The following EIF2B3 variants were observed in gnomAD, a reference collection of about 807,000 sequenced individuals.
EIF2B3 encodes translation initiation factor eIF2B subunit gamma.
EIF2B3 carries 20 observed loss-of-function variants against 54.1 expected under a neutral mutation model. The ratio of observed to expected loss-of-function variants is 0.37; its 90% CI spans 0.26 to 0.54. The LOEUF (loss-of-function observed/expected upper bound fraction) is 0.54. Ranked by LOEUF, EIF2B3 falls within the 20% of genes least tolerant of loss-of-function variation. The probability of loss-of-function intolerance (pLI) is 0.86; values close to 1 mark genes in which losing one functional copy is unlikely to be tolerated. For synonymous variants in EIF2B3, 153 were observed against 188.1 expected (o/e 0.81, Z 1.52); for missense variants, 448 against 547.8 (o/e 0.82, Z 1.82).
intron 11 of EIF2B3, among the ~76,000 whole-genome samples, chr1:44,853,386 G>C (rs1654338300): frequency 6.6e-6 from 1 of 152,098 alleles, no homozygotes; most frequent in Non-Finnish European, 1.5e-5. Context: ...AAGGTGGGTG[G>C]ATTGCCCCAG....
chr1:44,983,299 G>C lies in EIF2B3; in HGVS notation c.-9-2122C>G, dbSNP rs370804951. 3.2e-4 allele frequency among the ~76,000 whole-genome samples: 48 copies of C among 152,328 alleles called. 1 individual carries two copies. The highest frequency in any genetic ancestry group is 1.2e-3 in the African/African-American group (48 of 41,584). ...ATGTGTTAAAATGTAACGTTCAGAA[G>C]AAACAATCTATTCAACATCAAATTG... On this transcript the variant is annotated intron_variant, in intron 1 of 11. Coordinates refer to ENST00000360403, the MANE Select transcript of EIF2B3 (RefSeq NM_020365.5).
intron 4 of EIF2B3, among the ~76,000 whole-genome samples, chr1:44,933,465 TAA>T (rs1337727739): frequency 5.9e-5 from 9 of 151,844 alleles, no homozygotes; most frequent in Non-Finnish European, 8.8e-5. Flanking sequence ...ACACAGAAAA[TAA>T]AAGCACGTTA....
intron 4 of EIF2B3, among the ~76,000 whole-genome samples, chr1:44,928,697 A>G (rs12735637): frequency 0.22 from 33,666 of 151,986 alleles, 4,059 homozygotes; most frequent in Admixed American, 0.32. Context: ...ACAGGCTGCT[A>G]TATTATTGCT....
intron 5 of EIF2B3, among the ~76,000 whole-genome samples, chr1:44,910,084 A>C: frequency 6.6e-6 from 1 of 152,232 alleles, no homozygotes; most frequent in Non-Finnish European, 1.5e-5. Context: ...AAAGCTTGAC[A>C]ACTATTCAAA....
intron 10 of EIF2B3, among the ~76,000 whole-genome samples, chr1:44,871,549 G>A (rs760822286): frequency 2.0e-5 from 3 of 152,094 alleles, no homozygotes; most frequent in Non-Finnish European, 2.9e-5. Context: ...TTTATATTCT[G>A]GTCATGGTGA....
Position 44,850,915 on chromosome 1 carries a change from G to A in EIF2B3, c.*36C>T. 3.7e-6 allele frequency: 6 copies of A among 1,612,820 alleles called. No homozygotes were observed. Among genetic ancestry groups the A allele is most frequent in the Non-Finnish European group, 5.1e-6 (6 of 1,178,832 alleles). On this transcript the variant is annotated 3_prime_UTR_variant, in exon 12 of 12. Coordinates refer to ENST00000360403, the MANE Select transcript of EIF2B3 (RefSeq NM_020365.5). Reference sequence around the variant, plus strand: ...TGGGCCGGCCAACATCTGTGGCTTTGGAGGCCAAAAGGAAGGAGTCTGACT... The same window carrying A: ...TGGGCCGGCCAACATCTGTGGCTTTAGAGGCCAAAAGGAAGGAGTCTGACT...
At chr1:44,974,897 T>A (rs1485855156) in intron 3 of EIF2B3, among the ~76,000 whole-genome samples, 1 of 152,112 alleles carries the variant, frequency 6.6e-6, no homozygotes, top group African/African-American at 2.4e-5. Context: ...TACCTAGGAA[T>A]AAATTTATCA....
intron 3 of EIF2B3, among the ~76,000 whole-genome samples, chr1:44,976,479 G>A (rs114149880): frequency 1.4e-3 from 216 of 152,250 alleles, no homozygotes; most frequent in African/African-American, 4.9e-3. Context: ...TGAAGCAAAC[G>A]CAACTCTTAC....
intron 1 of EIF2B3, among the ~76,000 whole-genome samples, chr1:44,985,272 C>G (rs1644560364): frequency 1.3e-5 from 2 of 152,156 alleles, no homozygotes; most frequent in Admixed American, 6.5e-5. Context: ...CTAGTAATCA[C>G]CTATTAAACT....
intron 11 of EIF2B3, among the ~76,000 whole-genome samples, chr1:44,856,106 T>G (rs985134496): frequency 1.1e-4 from 17 of 152,144 alleles, no homozygotes; most frequent in African/African-American, 3.9e-4. Flanking sequence ...ACGGTATGTA[T>G]GAGGAATTCT....
intron 5 of EIF2B3, 116 bp from the exon 6 acceptor site, chr1:44,897,560 C>G: frequency 1.3e-6 from 1 of 789,526 alleles, no homozygotes. Context: ...CAGAGGCATG[C>G]TGCCTACATC....
intron 5 of EIF2B3, among the ~76,000 whole-genome samples, chr1:44,901,290 AT>A (rs752499946): frequency 4.8e-4 from 73 of 151,814 alleles, no homozygotes; most frequent in Non-Finnish European, 9.7e-4. Flanking sequence ...TAATTTTTGT[AT>A]TTTCAGTAGA....
chr1:44,939,474 C>T (rs903266637), intron 4 of EIF2B3, among the ~76,000 whole-genome samples: 3 of 152,124 alleles, frequency 2.0e-5, no homozygotes, highest in African/African-American at 7.2e-5. Context: ...ATATAGTTAA[C>T]AAGAGTATTG....
intron 4 of EIF2B3, among the ~76,000 whole-genome samples, chr1:44,938,547 T>C (rs1252475937): frequency 6.6e-6 from 1 of 151,712 alleles, no homozygotes; most frequent in African/African-American, 2.4e-5. Flanking sequence ...AGTGGCATGA[T>C]CATGGTTCAC....
At chr1:44,917,755 CTTTTTTTTTTTTTTTTTT>C (rs869139321) in intron 5 of EIF2B3, among the ~76,000 whole-genome samples, 97 of 44,232 alleles carry the variant, frequency 2.2e-3, no homozygotes, top group Non-Finnish European at 3.8e-3. Context: ...CAATAACACT[CTTTTTTTTTTTTTTTTTT>C]TTTTTTTTTT....
chr1:44,867,867 TAAA>T (rs768045271), intron 10 of EIF2B3, among the ~76,000 whole-genome samples: 194 of 99,456 alleles, frequency 2.0e-3, no homozygotes, highest in Non-Finnish European at 3.1e-3. Flanking sequence ...ATTCTGTCTC[TAAA>T]AAAAAAAAAA....
chr1:44,911,952 C>A (rs1033051282), intron 5 of EIF2B3, among the ~76,000 whole-genome samples: 1 of 149,084 alleles, frequency 6.7e-6, no homozygotes, highest in Non-Finnish European at 1.5e-5. Flanking sequence ...TGAGAACATG[C>A]GGTGTTTGGT....
chr1:44,917,878 A>G (rs1643658762), intron 5 of EIF2B3, among the ~76,000 whole-genome samples: 1 of 138,638 alleles, frequency 7.2e-6, no homozygotes, highest in Non-Finnish European at 1.5e-5. Flanking sequence ...GGTTCACACC[A>G]TTCTCCTGCC....
intron 10 of EIF2B3, among the ~76,000 whole-genome samples, chr1:44,870,763 C>T (rs1654940438): frequency 6.6e-6 from 1 of 152,066 alleles, no homozygotes; most frequent in Non-Finnish European, 1.5e-5. Flanking sequence ...AGTGACCTTC[C>T]TGCCTTAGCC....
Sources: allele counts gnomAD v4.1 joint callset (sites outside exome capture counted in the v4.1 genomes callset), GRCh38; gene constraint gnomAD v4.1.1; transcripts MANE v1.5; gene names NCBI Gene and HGNC (gene_info 2026-07-23, HGNC 2026-07-21).